The following NCLN variants were observed in gnomAD, a reference collection of about 807,000 sequenced individuals.
NCLN encodes nicalin.
In NCLN, 34 loss-of-function variants were observed where a neutral mutation model predicts 69.5. That is an observed-to-expected ratio of 0.49 (90% CI 0.37 to 0.65). The LOEUF is 0.65. Among genes scored for constraint, NCLN ranks in the 30% least tolerant of loss-of-function variants. The pLI, the probability that NCLN is intolerant of heterozygous loss-of-function variation, is 0.00. For missense variants in NCLN, 710 were observed against 804.8 expected (o/e 0.88, Z 1.42); for synonymous variants, 393 against 358.3 (o/e 1.10, Z -1.09).
intron 1 of NCLN, among the ~76,000 whole-genome samples, chr19:3,190,962 T>A (rs535693069): frequency 1.5e-3 from 225 of 152,256 alleles, no homozygotes; most frequent in African/African-American, 5.2e-3. Context: ...GAGGGGCCGG[T>A]GCTCTCCAGG....
chr19:3,201,600 C>T lies in NCLN; in HGVS notation c.774C>T (p.Leu258=), dbSNP rs1376112687. 3.2e-6 allele frequency: 5 copies of T among 1,552,958 alleles called. No individual in the cohort carries two copies. Among genetic ancestry groups the T allele is most frequent in the Non-Finnish European group, 4.3e-6 (5 of 1,155,482 alleles). The change falls in exon 6 of 15, where the codon CTC becomes CTT. Residue 258 remains leucine (L), a synonymous_variant. Coordinates refer to ENST00000246117, the MANE Select transcript of NCLN (RefSeq NM_020170.4). ...AGCTGGCACGCCTCTTCTCCCGGCT[C>T]TACACCTACAAGCGCACGCACGCCG... ...LLELARLFSR[L]YTYKRTHAAY...
chr19:3,193,019 G>A (rs1915868238), intron 2 of NCLN, among the ~76,000 whole-genome samples: 1 of 145,140 alleles, frequency 6.9e-6, no homozygotes, highest in Non-Finnish European at 1.5e-5. Context: ...GAATCCAGCA[G>A]ACGCCCTGGG....
intron 1 of NCLN, among the ~76,000 whole-genome samples, chr19:3,187,381 C>T (rs555149983): frequency 3.5e-4 from 53 of 152,246 alleles, no homozygotes; most frequent in Middle Eastern, 3.4e-3. Flanking sequence ...GAAGGAGTCC[C>T]GTCCGCTTGT....
Position 3,186,202 on chromosome 19 carries a change from G to T in NCLN, c.172G>T (p.Gly58Cys). ...CCGCATGCAGCAGTACGACCTGCAG[G>T]GCCAGCCCTACGGTGCGTGTCCCCG... Reference protein sequence around the residue: ...VYRMQQYDLQGQPYGTRNAVL... With the variant: ...VYRMQQYDLQCQPYGTRNAVL... Residue 58 changes from glycine (G) to cysteine (C), a missense_variant, in exon 1 of 15, where the codon GGC becomes TGC. Physicochemically the swap from Gly to Cys is radical, Grantham distance 159 (BLOSUM62 -3). Transcript: ENST00000246117. 6.4e-7 allele frequency: 1 copy of T among 1,560,382 alleles called. No homozygotes were observed. Among genetic ancestry groups the T allele is most frequent in the East Asian group, 2.6e-5 (1 of 38,822 alleles).
intron 9 of NCLN, 48 bp downstream of exon 9, chr19:3,204,799 G>C: frequency 7.2e-7 from 1 of 1,387,550 alleles, no homozygotes; most frequent in Non-Finnish European, 9.3e-7. Context: ...TTTCCTGGGG[G>C]CTGAGCCACT....
chr19:3,196,721 G>A (rs920699423), intron 4 of NCLN, among the ~76,000 whole-genome samples: 3 of 152,234 alleles, frequency 2.0e-5, no homozygotes, highest in African/African-American at 7.2e-5. Context: ...GTCAAGAGAG[G>A]GTGGGGAGCT....
chr19:3,196,695 C>T (rs1915967384), intron 4 of NCLN, among the ~76,000 whole-genome samples: 1 of 152,228 alleles, frequency 6.6e-6, no homozygotes, highest in Non-Finnish European at 1.5e-5. Flanking sequence ...TCCGAGCACC[C>T]CGGGATATCA....
At chr19:3,202,327 TC>T (rs1473172592) in intron 6 of NCLN, among the ~76,000 whole-genome samples, 1 of 152,170 alleles carries the variant, frequency 6.6e-6, no homozygotes, top group Non-Finnish European at 1.5e-5. Flanking sequence ...ACTTGATTTT[TC>T]CCCAGATAAT....
rs1266873328 is a variant in NCLN at position 3,208,895 on chromosome 19, TG to T, written c.*1208del. On this transcript the variant is annotated 3_prime_UTR_variant, in exon 15 of 15. Transcript: ENST00000246117. ...CCTCCACCCCGCAGACCAGGCGTCGTGTGTGTGTGGGAGAGAAGGAGGCCCG... is the reference window on the plus strand; with the variant it reads ...CCTCCACCCCGCAGACCAGGCGTCGTTGTGTGTGGGAGAGAAGGAGGCCCG... 4 of 152,120 alleles carry T rather than the reference TG, an allele frequency of 2.6e-5. No homozygotes were observed. The highest frequency in any genetic ancestry group is 5.9e-5 in the Non-Finnish European group (4 of 68,188). The allele number at this position is 152,120 out of a possible 1,614,324, so 9.4% of individuals were successfully genotyped here.
chr19:3,201,777 G>T (rs1370461708), intron 6 of NCLN, 151 bp downstream of exon 6: 7 of 664,100 alleles, frequency 1.1e-5, no homozygotes, highest in Non-Finnish European at 1.5e-5. Flanking sequence ...ATTTATCGAG[G>T]GCTAAGCTGA....
chr19:3,201,698 C>G (rs1017161112), intron 6 of NCLN, 72 bp downstream of exon 6: 5 of 1,241,262 alleles, frequency 4.0e-6, no homozygotes, highest in Non-Finnish European at 1.1e-6. Context: ...CCACCAGGCA[C>G]CTCTGCAGAT....
Position 3,193,357 on chromosome 19 carries a change from A to G in NCLN, c.449A>G (p.Glu150Gly). Residue 150 changes from glutamate to glycine, a missense_variant, in exon 3 of 15, where the codon GAG becomes GGG. Glu to Gly is a moderately conservative substitution (Grantham distance 98). Coordinates refer to ENST00000246117, the MANE Select transcript of NCLN (RefSeq NM_020170.4). ...CCCGTGTACTTTGCCGTGGAGGACG[A>G]GGCCCTGCTGTCTATCTACAAGCAG... is the stretch of plus-strand genomic sequence containing the variant. ...AVPVYFAVEDEALLSIYKQTQ... is the reference protein window; with the variant it reads ...AVPVYFAVEDGALLSIYKQTQ... 1.2e-6 allele frequency: 2 copies of G among 1,612,702 alleles called. No homozygotes were observed. Among genetic ancestry groups the G allele is most frequent in the South Asian group, 2.2e-5 (2 of 91,084 alleles).
chr19:3,196,166 C>T lies in NCLN; in HGVS notation c.521-17C>T. 3 of 1,517,514 alleles carry T rather than the reference C, an allele frequency of 2.0e-6. No homozygotes were observed. Among genetic ancestry groups the T allele is most frequent in the East Asian group, 2.5e-5 (1 of 40,136 alleles). The allele number at this position is 1,517,514 out of a possible 1,614,324, so 94.0% of individuals were successfully genotyped here. A position where few individuals can be genotyped will look rare whatever the true frequency, so the allele number is the denominator to read the frequency against. Reference sequence around the variant, plus strand: ...CCTGGCTGGGCCAAGGCTGATGCGCCCTCTCCCTCTCCCTAGTACTGCTGC... The same window carrying T: ...CCTGGCTGGGCCAAGGCTGATGCGCTCTCTCCCTCTCCCTAGTACTGCTGC... On this transcript the variant is annotated splice_polypyrimidine_tract_variant and intron_variant, in intron 3 of 14. Coordinates refer to ENST00000246117, the MANE Select transcript of NCLN (RefSeq NM_020170.4).
intron 3 of NCLN, among the ~76,000 whole-genome samples, chr19:3,194,834 T>A (rs1342515768): frequency 6.8e-6 from 1 of 146,550 alleles, no homozygotes; most frequent in African/African-American, 2.5e-5. Context: ...CACTGCAACC[T>A]GAAGGAGGAA....
chr19:3,195,631 A>T (rs1278552365), intron 3 of NCLN, among the ~76,000 whole-genome samples: 6 of 151,398 alleles, frequency 4.0e-5, no homozygotes, highest in Non-Finnish European at 8.9e-5. Flanking sequence ...ATTTCAAAAG[A>T]TTGTATTTTT....
intron 14 of NCLN, 37 bp from the exon 15 acceptor site, chr19:3,207,592 C>T: frequency 6.2e-7 from 1 of 1,611,402 alleles, no homozygotes; most frequent in Non-Finnish European, 8.5e-7. Context: ...GGCTCTGGCC[C>T]CGCCCACATC....
At chr19:3,204,806 C>T (rs938413869) in intron 9 of NCLN, 55 bp downstream of exon 9, 1 of 1,378,874 alleles carries the variant, frequency 7.3e-7, no homozygotes, top group Non-Finnish European at 9.4e-7. Flanking sequence ...GGGGCTGAGC[C>T]ACTGGTCGCA....
chr19:3,187,958 A>C (rs1489194106), intron 1 of NCLN, among the ~76,000 whole-genome samples: 1 of 152,134 alleles, frequency 6.6e-6, no homozygotes, highest in Admixed American at 6.5e-5. Context: ...GCCAGCAGCC[A>C]CAGGAGGCTG....
chr19:3,192,343 G>A (rs1483194191), intron 1 of NCLN, 127 bp from the exon 2 acceptor site: 6 of 761,418 alleles, frequency 7.9e-6, no homozygotes, highest in African/African-American at 1.9e-5. Context: ...TTCTCGAATC[G>A]GTGGTCTTCC....
Sources: allele counts gnomAD v4.1 joint callset (sites outside exome capture counted in the v4.1 genomes callset), GRCh38; gene constraint gnomAD v4.1.1; transcripts MANE v1.5; gene names NCBI Gene and HGNC (gene_info 2026-07-23, HGNC 2026-07-21).